Variants in GPHN observed in about 807,000 individuals in gnomAD.
GPHN encodes the protein gephyrin.
A neutral mutation model predicts 95.5 loss-of-function variants in GPHN; 17 were observed. The ratio of observed to expected loss-of-function variants is 0.18; its 90% confidence interval spans 0.12 to 0.27. The LOEUF (loss-of-function observed/expected upper bound fraction) is 0.27, where lower values mean the gene tolerates loss of function less well. GPHN is among the 10% of genes least tolerant of loss of function. The pLI is 1.00. For missense variants in GPHN, 660 were observed against 978.1 expected (o/e 0.67, Z 4.34); for synonymous variants, 320 against 322.5 (o/e 0.99, Z 0.08).
At chr14:66,818,408 C>T (rs2061062394) in intron 3 of GPHN, among the ~76,000 whole-genome samples, 1 of 152,078 alleles carries the variant, frequency 6.6e-6, no homozygotes, top group Admixed American at 6.6e-5. Context: ...CAGCTCCATC[C>T]GTGTCCCTGC....
intron 1 of GPHN, among the ~76,000 whole-genome samples, chr14:66,608,722 C>A (rs954320572): frequency 2.0e-5 from 3 of 152,078 alleles, no homozygotes; most frequent in African/African-American, 4.8e-5. Context: ...TGAATGGAAC[C>A]CTTTGCCACT....
chr14:66,508,854 C>A (rs2057904213), intron 1 of GPHN, among the ~76,000 whole-genome samples: 1 of 152,170 alleles, frequency 6.6e-6, no homozygotes, highest in Non-Finnish European at 1.5e-5. Context: ...CCTGGGCCCC[C>A]GGGGACCGAG....
chr14:66,621,517 T>G (rs528087801), intron 1 of GPHN, among the ~76,000 whole-genome samples: 1 of 150,344 alleles, frequency 6.7e-6, no homozygotes, highest in African/African-American at 2.4e-5. Flanking sequence ...CTCCACCCCC[T>G]GGGTTCACAC....
intron 5 of GPHN, among the ~76,000 whole-genome samples, chr14:66,888,115 G>C (rs114785329): frequency 0.012 from 1,809 of 152,238 alleles, 23 homozygotes; most frequent in African/African-American, 0.04. Context: ...AAAGAATTTT[G>C]AGACAACTCT....
At chr14:66,912,401 A>G (rs2065715460) in intron 5 of GPHN, among the ~76,000 whole-genome samples, 1 of 151,980 alleles carries the variant, frequency 6.6e-6, no homozygotes, top group Non-Finnish European at 1.5e-5. Flanking sequence ...TGCCCTTCCT[A>G]TTGTTCCCAA....
intron 3 of GPHN, among the ~76,000 whole-genome samples, chr14:66,812,777 A>C (rs72728670): frequency 0.024 from 3,681 of 152,318 alleles, 67 homozygotes; most frequent in Non-Finnish European, 0.036. Context: ...CAAACCAACA[A>C]AATTTATTCC....
chr14:67,652,628 C>T, the GPHN span: 6 of 152,250 alleles, frequency 3.9e-5, no homozygotes, highest in Admixed American at 2.0e-4. Context: ...GACTCAGTTA[C>T]TGCCCAAGAA....
the GPHN span, among the ~76,000 whole-genome samples, chr14:67,215,003 TG>T: frequency 1.3e-5 from 2 of 152,188 alleles, no homozygotes; most frequent in African/African-American, 4.8e-5. Context: ...TTGTGATTTT[TG>T]CACATTGATT....
intron 2 of GPHN, among the ~76,000 whole-genome samples, chr14:66,748,106 C>A (rs2058227156): frequency 6.6e-6 from 1 of 151,934 alleles, no homozygotes; most frequent in Non-Finnish European, 1.5e-5. Context: ...AAGCTATCAT[C>A]TTTGAGAAAT....
the GPHN span, chr14:67,392,287 G>T: frequency 7.6e-7 from 1 of 1,313,180 alleles, no homozygotes; most frequent in Non-Finnish European, 1.1e-6. Flanking sequence ...CTAAGCTTGA[G>T]AACTGTCCAT....
At chr14:66,864,383 A>G (rs1200613975) in intron 4 of GPHN, among the ~76,000 whole-genome samples, 2 of 152,200 alleles carry the variant, frequency 1.3e-5, no homozygotes, top group Non-Finnish European at 2.9e-5. Flanking sequence ...AAGTTAGTAC[A>G]ACCACCATGG....
the GPHN span, among the ~76,000 whole-genome samples, chr14:67,282,820 G>A: frequency 1.3e-5 from 2 of 151,948 alleles, no homozygotes; most frequent in African/African-American, 2.4e-5. Flanking sequence ...AGAAATCCTC[G>A]GAAAAGAAAA....
the GPHN span, among the ~76,000 whole-genome samples, chr14:67,665,625 C>T: frequency 6.6e-6 from 1 of 152,150 alleles, no homozygotes; most frequent in Non-Finnish European, 1.5e-5. Flanking sequence ...TCTATAATCT[C>T]AACTTGAGAC....
chr14:66,792,487 GA>G (rs113886078), intron 3 of GPHN, among the ~76,000 whole-genome samples: 2,485 of 113,398 alleles, frequency 0.022, 31 homozygotes, highest in African/African-American at 0.024. Context: ...CACAGAAAAA[GA>G]AAAAAAAAAA....
chr14:66,660,646 T>C (rs1385259280), intron 1 of GPHN, among the ~76,000 whole-genome samples: 2 of 152,178 alleles, frequency 1.3e-5, no homozygotes, highest in Non-Finnish European at 2.9e-5. Context: ...GGCGCCAAGA[T>C]GGCCAACTAA....
chr14:66,512,182 T>C (rs2058063884), intron 1 of GPHN, among the ~76,000 whole-genome samples: 1 of 151,898 alleles, frequency 6.6e-6, no homozygotes, highest in African/African-American at 2.4e-5. Flanking sequence ...CTAACAGCTT[T>C]AGTAGTGATT....
the GPHN span, among the ~76,000 whole-genome samples, chr14:67,422,322 C>T: frequency 3.9e-5 from 6 of 152,110 alleles, no homozygotes; most frequent in African/African-American, 1.4e-4. Context: ...TAACGCTTTC[C>T]CCTGGCTCCT....
chr14:67,057,894 GC>G (rs898367653), intron 10 of GPHN, among the ~76,000 whole-genome samples: 37 of 152,180 alleles, frequency 2.4e-4, no homozygotes, highest in African/African-American at 8.4e-4. Context: ...ATAAGAAAAT[GC>G]CTATTACAAA....
chr14:67,360,907 C>T, the GPHN span, among the ~76,000 whole-genome samples: 6 of 152,308 alleles, frequency 3.9e-5, no homozygotes, highest in South Asian at 1.2e-3. Flanking sequence ...GGAAACCAAA[C>T]TGGCCTCTTA....
Sources: gnomAD v4.1 joint callset for allele counts (sites outside exome capture counted in the v4.1 genomes callset) on GRCh38, gnomAD v4.1.1 for gene constraint, MANE v1.5 for transcripts, NCBI Gene and HGNC (gene_info 2026-07-23, HGNC 2026-07-21) for gene names.